DLG2: variants seen among roughly 807,000 people sequenced by gnomAD.
DLG2 encodes the protein discs large MAGUK scaffold protein 2.
In DLG2, 45 loss-of-function variants were observed where a neutral mutation model predicts 132.5. That is an observed-to-expected ratio of 0.34 (90% CI 0.27 to 0.44). The LOEUF is 0.44. Ranked by LOEUF, DLG2 falls within the 20% of genes least tolerant of loss-of-function variation. DLG2 has a pLI of 1.00. For synonymous variants in DLG2, 424 were observed against 419.6 expected, an observed-to-expected ratio of 1.01 and a Z score of -0.13; for missense variants, 1,045 against 1,196.9, an observed-to-expected ratio of 0.87 and a Z score of 1.87.
intron 6 of DLG2, among the ~76,000 whole-genome samples, chr11:84,860,302 T>C (rs976026928): frequency 6.6e-6 from 1 of 152,104 alleles, no homozygotes; most frequent in Admixed American, 6.6e-5. Context: ...TCTATGTTTC[T>C]TTGTTTCTGT....
intron 19 of DLG2, among the ~76,000 whole-genome samples, chr11:83,576,175 A>C (rs1365177726): frequency 6.6e-6 from 1 of 152,210 alleles, no homozygotes; most frequent in Admixed American, 6.5e-5. Context: ...TGAACATAAA[A>C]TACATAGCAA....
At chr11:83,585,236 A>C (rs2097061388) in intron 19 of DLG2, among the ~76,000 whole-genome samples, 1 of 152,216 alleles carries the variant, frequency 6.6e-6, no homozygotes, top group African/African-American at 2.4e-5. Context: ...TGTTGAAATA[A>C]GTTTTTAAAA....
chr11:85,032,696 T>G (rs1225357197), intron 6 of DLG2, among the ~76,000 whole-genome samples: 1 of 152,192 alleles, frequency 6.6e-6, no homozygotes, highest in Admixed American at 6.5e-5. Flanking sequence ...ACTTCTAGTT[T>G]TTACCACCTA....
chr11:84,319,129 C>T (rs1316446066), intron 7 of DLG2, among the ~76,000 whole-genome samples: 2 of 152,128 alleles, frequency 1.3e-5, no homozygotes, highest in Non-Finnish European at 2.9e-5. Context: ...TTTTTGCCTT[C>T]TTAAAGAAGA....
intron 21 of DLG2, among the ~76,000 whole-genome samples, chr11:83,496,385 AC>A (rs1281414624): frequency 6.6e-6 from 1 of 152,086 alleles, no homozygotes; most frequent in Non-Finnish European, 1.5e-5. Context: ...TGATACAGTT[AC>A]TTTGAAAAAT....
rs540443683 is a variant in DLG2 at position 83,859,055 on chromosome 11, C to T, written c.1565+15365G>A. On this transcript the variant is annotated intron_variant, in intron 16 of 27. Transcript: ENST00000376104. Reference sequence around the variant, plus strand: ...GTGACTTGCTCCTCCTTGCCTTCTGCCATGATTGTGAGGCCTCACTAGCTA... The same window carrying T: ...GTGACTTGCTCCTCCTTGCCTTCTGTCATGATTGTGAGGCCTCACTAGCTA... 2.6e-5 allele frequency among the ~76,000 whole-genome samples: 4 copies of T among 152,314 alleles called. No homozygotes were observed. In the East Asian group the frequency reaches 7.7e-4, roughly 29 times the overall value.
chr11:83,558,814 C>T (rs763709639), intron 19 of DLG2, among the ~76,000 whole-genome samples: 5 of 150,664 alleles, frequency 3.3e-5, no homozygotes, highest in Non-Finnish European at 7.4e-5. Flanking sequence ...CATGAATTAA[C>T]TACCTACTCC....
At chr11:84,980,374 T>G (rs531937147) in intron 6 of DLG2, among the ~76,000 whole-genome samples, 2 of 152,118 alleles carry the variant, frequency 1.3e-5, no homozygotes, top group Non-Finnish European at 2.9e-5. Context: ...CTTAAAACTT[T>G]TAGTAACTCT....
intron 6 of DLG2, among the ~76,000 whole-genome samples, chr11:84,727,660 T>C (rs972507188): frequency 2.6e-5 from 4 of 152,162 alleles, no homozygotes; most frequent in African/African-American, 9.7e-5. Context: ...TTGATGGAGA[T>C]AGCACTGAAT....
intron 18 of DLG2, among the ~76,000 whole-genome samples, chr11:83,769,647 T>C (rs1025861661): frequency 1.3e-5 from 2 of 149,898 alleles, no homozygotes; most frequent in South Asian, 2.1e-4. Context: ...CACTGCAACC[T>C]TCTCTTTCCG....
At chr11:85,203,328 A>G (rs1565152662) in intron 4 of DLG2, among the ~76,000 whole-genome samples, 1 of 151,930 alleles carries the variant, frequency 6.6e-6, no homozygotes, top group South Asian at 2.1e-4. Context: ...AAACAAAATG[A>G]GAGAAGAGCC....
At chr11:84,252,802 T>A (rs770634401) in intron 7 of DLG2, among the ~76,000 whole-genome samples, 1 of 152,226 alleles carries the variant, frequency 6.6e-6, no homozygotes, top group Non-Finnish European at 1.5e-5. Flanking sequence ...TTCATTTAGA[T>A]AAAGGACATA....
intron 4 of DLG2, among the ~76,000 whole-genome samples, chr11:85,193,267 A>C (rs974088634): frequency 6.6e-6 from 1 of 152,186 alleles, no homozygotes; most frequent in African/African-American, 2.4e-5. Context: ...TTTATGGCTG[A>C]TTAATACTCC....
intron 18 of DLG2, among the ~76,000 whole-genome samples, chr11:83,695,056 G>C (rs934147298): frequency 3.3e-5 from 5 of 152,198 alleles, no homozygotes; most frequent in Admixed American, 3.3e-4. Flanking sequence ...ATTTTCAAGA[G>C]CTGGTTTTCT....
chr11:85,213,424 C>T (rs1358528180), intron 4 of DLG2, among the ~76,000 whole-genome samples: 1 of 152,002 alleles, frequency 6.6e-6, no homozygotes, highest in Non-Finnish European at 1.5e-5. Flanking sequence ...GGAACACTTC[C>T]AGTTCATAGG....
intron 2 of DLG2, among the ~76,000 whole-genome samples, chr11:85,601,409 C>T (rs546448621): frequency 2.6e-5 from 4 of 151,604 alleles, no homozygotes; most frequent in East Asian, 1.9e-4. Context: ...GGCGTGATCT[C>T]GGCTCACTGC....
At chr11:85,532,395 T>C (rs566389458) in intron 3 of DLG2, among the ~76,000 whole-genome samples, 5 of 152,344 alleles carry the variant, frequency 3.3e-5, no homozygotes, top group African/African-American at 1.2e-4. Context: ...GCAGGAAGGC[T>C]TTAGGTTTAG....
At chr11:84,271,428 A>G (rs991194684) in intron 7 of DLG2, among the ~76,000 whole-genome samples, 3 of 152,208 alleles carry the variant, frequency 2.0e-5, no homozygotes, top group Non-Finnish European at 4.4e-5. Flanking sequence ...TATTCCATGT[A>G]TTAACACATC....
chr11:84,491,901 A>G (rs1249730233), intron 7 of DLG2, among the ~76,000 whole-genome samples: 1 of 152,152 alleles, frequency 6.6e-6, no homozygotes, highest in African/African-American at 2.4e-5. Context: ...CCCAAGATCC[A>G]CATTCACATT....
Sources: allele counts gnomAD v4.1 joint callset (sites outside exome capture counted in the v4.1 genomes callset), GRCh38; gene constraint gnomAD v4.1.1; transcripts MANE v1.5; gene names NCBI Gene and HGNC (gene_info 2026-07-23, HGNC 2026-07-21).